Variants in INTS9 observed in about 807,000 individuals in gnomAD.
INTS9 encodes integrator complex subunit 9.
A neutral mutation model predicts 79.7 loss-of-function variants in INTS9; 55 were observed. The ratio of observed to expected loss-of-function variants is 0.69; its 90% CI spans 0.56 to 0.86. The LOEUF is 0.86. Among genes scored for constraint, INTS9 ranks in the 40% least tolerant of loss-of-function variants. INTS9 has a pLI of 0.00. For missense variants in INTS9, 721 were observed against 831.5 expected, an observed-to-expected ratio of 0.87 and a Z score of 1.64; for synonymous variants, 319 against 325.2, an observed-to-expected ratio of 0.98 and a Z score of 0.20.
intron 1 of INTS9, among the ~76,000 whole-genome samples, chr8:28,874,277 C>T (rs186297550): frequency 6.6e-6 from 1 of 151,492 alleles, no homozygotes; most frequent in East Asian, 1.9e-4. Flanking sequence ...TTTAAAAATT[C>T]ATATTTAAAC....
chr8:28,872,366 T>G (rs1425675928), intron 1 of INTS9, among the ~76,000 whole-genome samples: 1 of 152,314 alleles, frequency 6.6e-6, no homozygotes, highest in East Asian at 1.9e-4. Flanking sequence ...ATACTCAAAA[T>G]GAACTACATA....
chr8:28,885,652 A>G (rs977094052), intron 1 of INTS9, among the ~76,000 whole-genome samples: 1 of 152,174 alleles, frequency 6.6e-6, no homozygotes, highest in Middle Eastern at 3.2e-3. Flanking sequence ...CTCTTCATCT[A>G]TTTAAATGAC....
intron 12 of INTS9, chr8:28,780,381 C>CACTCT: frequency 1.0e-6 from 1 of 984,314 alleles, no homozygotes; most frequent in South Asian, 4.7e-5. Context: ...TCTATGTAAA[C>CACTCT]ACTCTACTTG....
intron 4 of INTS9, among the ~76,000 whole-genome samples, chr8:28,846,398 C>G (rs1395590296): frequency 8.4e-6 from 1 of 119,508 alleles, no homozygotes; most frequent in East Asian, 2.4e-4. Flanking sequence ...CACCATAAAG[C>G]AAGACCAGGA....
chr8:28,886,208 T>TA (rs1032929613), intron 1 of INTS9, among the ~76,000 whole-genome samples: 7 of 152,104 alleles, frequency 4.6e-5, no homozygotes, highest in African/African-American at 1.4e-4. Context: ...TCCTCAAACT[T>TA]AAAAAAAATT....
In INTS9 at chr8:28,768,141, C is replaced by T. The variant is rs747146666; in HGVS notation, c.*5G>A. 4.3e-6 allele frequency: 7 copies of T among 1,613,740 alleles called. No homozygotes were observed. In the African/African-American group the frequency reaches 6.7e-5, roughly 15 times the overall value. On this transcript the variant is annotated 3_prime_UTR_variant, in exon 17 of 17. Coordinates refer to ENST00000521022, the MANE Select transcript of INTS9 (RefSeq NM_018250.4). ...GATTTCAGGGAAGTAGCTCAGATGGCCCACTCAGAACTTCTGTAAGAATTT... is the reference window on the plus strand; with the variant it reads ...GATTTCAGGGAAGTAGCTCAGATGGTCCACTCAGAACTTCTGTAAGAATTT...
chr8:28,769,200 A>G (rs1306839908), intron 16 of INTS9, among the ~76,000 whole-genome samples: 2 of 152,204 alleles, frequency 1.3e-5, no homozygotes, highest in African/African-American at 2.4e-5. Flanking sequence ...TGTGATATTT[A>G]CATTGGATAG....
intron 6 of INTS9, among the ~76,000 whole-genome samples, chr8:28,819,863 T>C (rs1338269218): frequency 6.6e-6 from 1 of 152,250 alleles, no homozygotes; most frequent in Non-Finnish European, 1.5e-5. Flanking sequence ...ATATTTAGGA[T>C]AGTTAGTTCT....
intron 2 of INTS9, among the ~76,000 whole-genome samples, chr8:28,852,189 A>G (rs1190244489): frequency 6.6e-6 from 1 of 152,192 alleles, no homozygotes; most frequent in Non-Finnish European, 1.5e-5. Flanking sequence ...ACTGCCACAA[A>G]GCAAGATCTT....
chr8:28,831,745 C>A (rs1585430612), intron 6 of INTS9, among the ~76,000 whole-genome samples: 1 of 152,278 alleles, frequency 6.6e-6, no homozygotes, highest in Non-Finnish European at 1.5e-5. Context: ...GTCCCCCAGG[C>A]TGGAGTGCAG....
chr8:28,769,732 G>T, intron 16 of INTS9, 157 bp downstream of exon 16: 1 of 889,626 alleles, frequency 1.1e-6, no homozygotes, highest in African/African-American at 1.7e-5. Context: ...CTTTCTCCTG[G>T]GTCTCCCAGC....
intron 7 of INTS9, 109 bp downstream of exon 7, chr8:28,813,383 C>T: frequency 9.1e-7 from 1 of 1,097,392 alleles, no homozygotes; most frequent in Non-Finnish European, 1.4e-6. Context: ...TCTGGATCCT[C>T]AGCAATGGAA....
At chr8:28,812,664 G>A (rs1805221244) in intron 7 of INTS9, among the ~76,000 whole-genome samples, 1 of 152,166 alleles carries the variant, frequency 6.6e-6, no homozygotes, top group Admixed American at 6.5e-5. Context: ...ACCAGCCTGG[G>A]CAACATGGTG....
chr8:28,839,056 G>A (rs1806998018), intron 4 of INTS9, among the ~76,000 whole-genome samples: 1 of 152,080 alleles, frequency 6.6e-6, no homozygotes, highest in African/African-American at 2.4e-5. Flanking sequence ...AGCTAACCCT[G>A]GGAAATATAC....
chr8:28,792,620 A>G (rs2130948813), intron 10 of INTS9, among the ~76,000 whole-genome samples: 3 of 152,260 alleles, frequency 2.0e-5, no homozygotes, highest in Admixed American at 2.0e-4. Flanking sequence ...ATAATGTACT[A>G]ATGTTATTTA....
At chr8:28,793,708 A>T in intron 10 of INTS9, 99 bp downstream of exon 10, 1 of 1,114,112 alleles carries the variant, frequency 9.0e-7, no homozygotes, top group Non-Finnish European at 1.2e-6. Context: ...TGAAATTTCC[A>T]CAGTAATGTG....
At chr8:28,798,557 G>A (rs983814545) in intron 8 of INTS9, 3 of 152,088 alleles carry the variant, frequency 2.0e-5, no homozygotes, top group Non-Finnish European at 2.9e-5. Context: ...GGAGTGCAGT[G>A]GTGCCATCTC....
At chr8:28,799,111 A>G (rs1401411547) in intron 8 of INTS9, among the ~76,000 whole-genome samples, 2 of 152,190 alleles carry the variant, frequency 1.3e-5, no homozygotes, top group East Asian at 1.9e-4. Flanking sequence ...CCTGGCCAAC[A>G]TAGCGAAACC....
At chr8:28,881,067 C>A in intron 1 of INTS9, among the ~76,000 whole-genome samples, 1 of 150,976 alleles carries the variant, frequency 6.6e-6, no homozygotes, top group South Asian at 2.1e-4. Flanking sequence ...CGGCAACCAC[C>A]CCGTCTGGGA....
Sources: gnomAD v4.1 joint callset for allele counts (sites outside exome capture counted in the v4.1 genomes callset) on GRCh38, gnomAD v4.1.1 for gene constraint, MANE v1.5 for transcripts, NCBI Gene and HGNC (gene_info 2026-07-23, HGNC 2026-07-21) for gene names.